The following UNC5D variants were observed in gnomAD, a reference collection of about 807,000 sequenced individuals.
The protein encoded by UNC5D is netrin receptor UNC5D.
A neutral mutation model predicts 105.4 loss-of-function variants in UNC5D; 39 were observed. The ratio of observed to expected loss-of-function variants is 0.37; its 90% CI spans 0.29 to 0.48. The LOEUF is 0.48. Among genes scored for constraint, UNC5D ranks in the 20% least tolerant of loss-of-function variants. The pLI is 0.98. For missense variants in UNC5D, 991 were observed against 1,202.4 expected (o/e 0.82, Z 2.60); for synonymous variants, 452 against 450.4 (o/e 1.00, Z -0.04).
At chr8:35,599,451 A>G (rs553910151) in intron 4 of UNC5D, among the ~76,000 whole-genome samples, 1 of 152,324 alleles carries the variant, frequency 6.6e-6, no homozygotes, top group South Asian at 2.1e-4. Flanking sequence ...GTACACACAT[A>G]TTTCAAAACA....
intron 1 of UNC5D, among the ~76,000 whole-genome samples, chr8:35,348,817 T>C (rs989916825): frequency 1.3e-5 from 2 of 151,896 alleles, no homozygotes; most frequent in African/African-American, 4.8e-5. Context: ...CAAATAGTAC[T>C]ATCTCAGGAC....
At chr8:35,640,346 T>C (rs1178648962) in intron 4 of UNC5D, among the ~76,000 whole-genome samples, 1 of 152,168 alleles carries the variant, frequency 6.6e-6, no homozygotes, top group African/African-American at 2.4e-5. Flanking sequence ...CTCAGGATTG[T>C]GGCATGAAAG....
At chr8:35,269,537 G>GT (rs1412423535) in intron 1 of UNC5D, among the ~76,000 whole-genome samples, 8 of 152,060 alleles carry the variant, frequency 5.3e-5, no homozygotes, top group Non-Finnish European at 8.8e-5. Flanking sequence ...TTGTTGATTA[G>GT]TTTTTTTAAG....
chr8:35,660,878 C>T (rs1048960950), intron 4 of UNC5D, among the ~76,000 whole-genome samples: 1 of 152,032 alleles, frequency 6.6e-6, no homozygotes, highest in Non-Finnish European at 1.5e-5. Context: ...AATCTCCAGA[C>T]TCCAAGAGAT....
At chr8:35,686,803 A>C in intron 7 of UNC5D, 94 bp downstream of exon 7, 1 of 1,462,710 alleles carries the variant, frequency 6.8e-7, no homozygotes, top group Non-Finnish European at 9.1e-7. Context: ...TGGTTAAATA[A>C]GTTAGCAGAA....
intron 3 of UNC5D, among the ~76,000 whole-genome samples, chr8:35,583,734 A>G (rs1380202415): frequency 2.0e-5 from 3 of 152,124 alleles, no homozygotes; most frequent in Non-Finnish European, 4.4e-5. Context: ...GAATTTCTAT[A>G]TTTTTAGTTA....
chr8:35,418,824 T>C (rs759039168), intron 1 of UNC5D, among the ~76,000 whole-genome samples: 18 of 152,212 alleles, frequency 1.2e-4, no homozygotes, highest in African/African-American at 1.7e-4. Flanking sequence ...AAAAATTGTT[T>C]AGTACAAATT....
chr8:35,621,788 C>T (rs1449581979), intron 4 of UNC5D, among the ~76,000 whole-genome samples: 3 of 152,148 alleles, frequency 2.0e-5, no homozygotes, highest in Non-Finnish European at 4.4e-5. Context: ...GAAGGTGCAG[C>T]ATATTCCTGG....
At chr8:35,734,335 C>CAAAAAAAAAAAAA (rs10657691) in intron 11 of UNC5D, among the ~76,000 whole-genome samples, 1 of 28,288 alleles carries the variant, frequency 3.5e-5, no homozygotes, top group African/African-American at 1.1e-4. Flanking sequence ...TAATCACTGT[C>CAAAAAAAAAAAAA]AAAAAAAAAA....
chr8:35,672,699 C>G (rs1022758691), intron 4 of UNC5D, among the ~76,000 whole-genome samples: 1 of 152,146 alleles, frequency 6.6e-6, no homozygotes, highest in African/African-American at 2.4e-5. Context: ...GTTTAATGTT[C>G]TTTTCCTCTG....
At chr8:35,447,851 T>C (rs188583519) in intron 1 of UNC5D, among the ~76,000 whole-genome samples, 134 of 152,164 alleles carry the variant, frequency 8.8e-4, no homozygotes, top group African/African-American at 3.1e-3. Context: ...GCTTCTGGAG[T>C]CTTCTGCTAT....
chr8:35,450,730 G>A (rs551358432), intron 1 of UNC5D, among the ~76,000 whole-genome samples: 19 of 152,238 alleles, frequency 1.2e-4, no homozygotes, highest in Middle Eastern at 6.9e-3. Flanking sequence ...ACTTCACAAT[G>A]TTGTGAAAAT....
At chr8:35,338,788 C>T (rs1003009114) in intron 1 of UNC5D, among the ~76,000 whole-genome samples, 1 of 152,144 alleles carries the variant, frequency 6.6e-6, no homozygotes, top group African/African-American at 2.4e-5. Context: ...TTTCCATGCA[C>T]AAGCCCTGAT....
chr8:35,440,118 A>G (rs1807302514), intron 1 of UNC5D, among the ~76,000 whole-genome samples: 1 of 152,016 alleles, frequency 6.6e-6, no homozygotes, highest in Non-Finnish European at 1.5e-5. Context: ...GGTGACCTGT[A>G]TTGCCAGGCA....
At chr8:35,735,844 A>G (rs536659325) in intron 11 of UNC5D, among the ~76,000 whole-genome samples, 4 of 152,334 alleles carry the variant, frequency 2.6e-5, no homozygotes, top group Non-Finnish European at 5.9e-5. Context: ...TGCAGACCTA[A>G]GCACTCAGAA....
chr8:35,350,059 AAATT>A lies in UNC5D; in HGVS notation c.103+114177_103+114180del, dbSNP rs991535542. Among the ~76,000 whole-genome samples the A allele has an allele frequency of 7.4e-4, 112 of 152,066 alleles. 1 individual carries two copies. Among genetic ancestry groups the A allele is most frequent in the African/African-American group, 2.4e-3 (101 of 41,560 alleles). On this transcript the variant is annotated intron_variant, in intron 1 of 16. Coordinates refer to ENST00000404895, the MANE Select transcript of UNC5D (RefSeq NM_080872.4). The stretch of plus-strand genomic sequence containing the variant: ...TATTAAATTAATAATTTAATTTAAT[AAATT>A]AATTTATTTTTTTTGCCTGGATCTC...
At chr8:35,609,104 C>G (rs1400957560) in intron 4 of UNC5D, among the ~76,000 whole-genome samples, 1 of 152,088 alleles carries the variant, frequency 6.6e-6, no homozygotes, top group Non-Finnish European at 1.5e-5. Context: ...GCCATTATGA[C>G]TGGTATAACA....
At position 35,795,040 on chromosome 8, in the gene UNC5D, C is replaced by A. The variant is rs763551096; in HGVS notation, c.*4477C>A. 1.3e-5 allele frequency: 2 copies of A among 152,080 alleles called. No individual in the cohort carries two copies. Among genetic ancestry groups the A allele is most frequent in the African/African-American group, 2.4e-5 (1 of 41,404 alleles). The allele number at this position is 152,080 out of a possible 1,614,324, so 9.4% of individuals were successfully genotyped here. A position where few individuals can be genotyped will look rare whatever the true frequency, so the allele number is the denominator to read the frequency against. On this transcript the variant is annotated 3_prime_UTR_variant, in exon 17 of 17. Coordinates refer to ENST00000404895, the MANE Select transcript of UNC5D (RefSeq NM_080872.4). ...TTGGGAATGTCCTCGTGAGGTGGAC[C>A]TAAGGCAGTAACATTTAAACTTCAT...
chr8:35,568,091 C>T lies in UNC5D; in HGVS notation c.323-7C>T, dbSNP rs753188495. On this transcript the variant is annotated splice_region_variant and splice_polypyrimidine_tract_variant and intron_variant, in intron 2 of 16. Coordinates refer to ENST00000404895, the MANE Select transcript of UNC5D (RefSeq NM_080872.4). ...GCTGATTTGTCTCTTATCTCTCCCA[C>T]CATCAGGTTTGAAGGTCCGCGAAGT... 8.7e-6 allele frequency: 14 copies of T among 1,613,732 alleles called. No homozygotes were observed. In the Admixed American group the frequency reaches 2.3e-4, roughly 27 times the overall value.
Sources: gnomAD v4.1 joint callset for allele counts (sites outside exome capture counted in the v4.1 genomes callset) on GRCh38, gnomAD v4.1.1 for gene constraint, MANE v1.5 for transcripts, NCBI Gene and HGNC (gene_info 2026-07-23, HGNC 2026-07-21) for gene names.